The following CABCOCO1 variants were observed in gnomAD, a reference collection of about 807,000 sequenced individuals.
The protein encoded by CABCOCO1 is ciliary-associated calcium-binding coiled-coil protein 1.
Under a neutral mutation model 35.7 loss-of-function variants are expected in CABCOCO1, and 28 were observed. The ratio of observed to expected loss-of-function variants is 0.78; its 90% CI spans 0.58 to 1.07. CABCOCO1 has a LOEUF of 1.07. Ranked by LOEUF, CABCOCO1 falls within the 50% of genes least tolerant of loss-of-function variation. The pLI is 0.00. For synonymous variants in CABCOCO1, 95 were observed against 100.1 expected (o/e 0.95, Z 0.30); for missense variants, 326 against 309.2 (o/e 1.05, Z -0.41).
intron 3 of CABCOCO1, among the ~76,000 whole-genome samples, chr10:61,681,533 T>C (rs537446831): frequency 2.0e-5 from 3 of 152,226 alleles, no homozygotes; most frequent in Non-Finnish European, 1.5e-5. Context: ...TTGCCAAATA[T>C]ATGTTAATTT....
intron 5 of CABCOCO1, among the ~76,000 whole-genome samples, chr10:61,736,654 AT>A (rs1316909323): frequency 6.6e-6 from 1 of 152,088 alleles, no homozygotes; most frequent in African/African-American, 2.4e-5. Flanking sequence ...AAATTTCAAA[AT>A]AATTTTCTCT....
intron 5 of CABCOCO1, among the ~76,000 whole-genome samples, chr10:61,752,367 G>GAA (rs113709295): frequency 0.64 from 92,565 of 145,576 alleles, 30,343 homozygotes; most frequent in South Asian, 0.76. Context: ...TATAAAAAAG[G>GAA]AAAAAAAAAA....
rs575599681 is a variant in CABCOCO1 at position 61,701,457 on chromosome 10, T to C, written c.552+10836T>C. ...AGTATGTTATTATTCATGAGTTATA[T>C]AAGTCATAAAAAATGTCCAGGGTGA... On this transcript the variant is annotated intron_variant, in intron 5 of 7. Coordinates refer to ENST00000648843, the MANE Select transcript of CABCOCO1 (RefSeq NM_001366906.2). 6.6e-5 allele frequency among the ~76,000 whole-genome samples: 10 copies of C among 152,260 alleles called. No individual in the cohort carries two copies. In the South Asian group the frequency reaches 2.1e-3, roughly 32 times the overall value.
chr10:61,760,029 G>C lies in CABCOCO1; in HGVS notation c.553-30G>C. The C allele has an allele frequency of 1.9e-6, 3 of 1,611,604 alleles. 1 individual carries two copies. The Middle Eastern group carries it at 5.0e-4, about 267-fold the overall frequency. On this transcript the variant is annotated intron_variant, in intron 5 of 7. Coordinates refer to ENST00000648843, the MANE Select transcript of CABCOCO1 (RefSeq NM_001366906.2). ...ACTGTGGTTGCTCACCAAAGGCTCT[G>C]TCATAATTCAACTTTTTTCTTCCCA...
intron 4 of CABCOCO1, among the ~76,000 whole-genome samples, chr10:61,688,130 G>T (rs1013293827): frequency 6.6e-6 from 1 of 151,920 alleles, no homozygotes; most frequent in East Asian, 1.9e-4. Flanking sequence ...TACCCATCCT[G>T]CACATGTACC....
intron 2 of CABCOCO1, among the ~76,000 whole-genome samples, chr10:61,680,380 CATATAAT>C (rs1839679635): frequency 8.4e-6 from 1 of 119,262 alleles, no homozygotes; most frequent in African/African-American, 3.9e-5. Context: ...ATACATATAA[CATATAAT>C]ATATATATTT....
intron 2 of CABCOCO1, among the ~76,000 whole-genome samples, chr10:61,676,914 T>A (rs557634282): frequency 6.6e-6 from 1 of 151,472 alleles, no homozygotes. Context: ...ACAAAAAAAA[T>A]TTAGCCGAGC....
chr10:61,738,370 T>C (rs1841472657), intron 5 of CABCOCO1, among the ~76,000 whole-genome samples: 1 of 152,186 alleles, frequency 6.6e-6, no homozygotes, highest in South Asian at 2.1e-4. Flanking sequence ...TTCTGGATTT[T>C]TATGTGAAGG....
At chr10:61,707,294 G>A (rs1190160218) in intron 5 of CABCOCO1, among the ~76,000 whole-genome samples, 1 of 152,182 alleles carries the variant, frequency 6.6e-6, no homozygotes, top group Non-Finnish European at 1.5e-5. Context: ...ACTTGAGAAT[G>A]TGGGTCCAGC....
chr10:61,680,528 T>A, intron 2 of CABCOCO1, among the ~76,000 whole-genome samples: 1 of 135,944 alleles, frequency 7.4e-6, no homozygotes, highest in African/African-American at 2.7e-5. Flanking sequence ...ACATATTATA[T>A]GTTATATTAT....
intron 5 of CABCOCO1, chr10:61,701,921 C>A: frequency 1.7e-6 from 1 of 587,716 alleles, no homozygotes; most frequent in Non-Finnish European, 2.1e-6. Context: ...GATGGCAAAC[C>A]AAAGATCGTT....
Position 61,748,169 on chromosome 10 carries a change from A to AAAC in CABCOCO1, c.553-11889_553-11887dup, listed in dbSNP as rs568907312. On this transcript the variant is annotated intron_variant, in intron 5 of 7. Coordinates refer to ENST00000648843, the MANE Select transcript of CABCOCO1 (RefSeq NM_001366906.2). The stretch of plus-strand genomic sequence containing the variant: ...AGCAGGGAGATACGGGGGAAAAAAA[A>AAAC]AACCCTAAAATTTGGCACTATTAAT... Among the ~76,000 whole-genome samples the AAAC allele has an allele frequency of 8.5e-5, 13 of 152,104 alleles. No homozygotes were observed. In the South Asian group the frequency reaches 2.7e-3, roughly 32 times the overall value.
At chr10:61,740,484 T>C (rs1841525687) in intron 5 of CABCOCO1, among the ~76,000 whole-genome samples, 1 of 152,212 alleles carries the variant, frequency 6.6e-6, no homozygotes, top group Non-Finnish European at 1.5e-5. Flanking sequence ...CTTGCCATGA[T>C]TTAAGTGACA....
intron 4 of CABCOCO1, among the ~76,000 whole-genome samples, chr10:61,689,878 G>A (rs1840081816): frequency 6.6e-6 from 1 of 152,070 alleles, no homozygotes; most frequent in Admixed American, 6.6e-5. Context: ...TAGAATACTT[G>A]TTTTAAGGAC....
chr10:61,709,237 A>T (rs1840667727), intron 5 of CABCOCO1, among the ~76,000 whole-genome samples: 1 of 152,138 alleles, frequency 6.6e-6, no homozygotes, highest in Admixed American at 6.6e-5. Flanking sequence ...TCCTCAAAAG[A>T]GGCTCCCCAA....
intron 7 of CABCOCO1, among the ~76,000 whole-genome samples, chr10:61,762,844 T>G (rs963828737): frequency 4.6e-5 from 7 of 152,098 alleles, no homozygotes; most frequent in African/African-American, 1.4e-4. Flanking sequence ...TGGATTTTAA[T>G]ACTCCCGTGG....
intron 2 of CABCOCO1, among the ~76,000 whole-genome samples, chr10:61,680,341 C>T (rs1344361603): frequency 7.3e-6 from 1 of 136,078 alleles, no homozygotes; most frequent in African/African-American, 2.7e-5. Flanking sequence ...TATTTATATA[C>T]ATATAACATA....
intron 5 of CABCOCO1, among the ~76,000 whole-genome samples, chr10:61,694,806 T>G (rs1840250631): frequency 6.6e-6 from 1 of 151,972 alleles, no homozygotes; most frequent in African/African-American, 2.4e-5. Context: ...GAACAAAAAT[T>G]GGAGGGGGAA....
intron 5 of CABCOCO1, among the ~76,000 whole-genome samples, chr10:61,704,865 T>C (rs1374071598): frequency 4.6e-5 from 7 of 151,250 alleles, no homozygotes; most frequent in African/African-American, 1.7e-4. Flanking sequence ...CAACCCACTC[T>C]AGCCTCCTGT....
Sources: allele counts gnomAD v4.1 joint callset (sites outside exome capture counted in the v4.1 genomes callset), GRCh38; gene constraint gnomAD v4.1.1; transcripts MANE v1.5; gene names NCBI Gene and HGNC (gene_info 2026-07-23, HGNC 2026-07-21).